Variants in AZI2 observed in about 807,000 individuals in gnomAD.
The protein encoded by AZI2 is 5-azacytidine-induced protein 2.
AZI2 carries 22 observed loss-of-function variants against 45.8 expected under a neutral mutation model. That is an observed-to-expected ratio of 0.48 (90% confidence interval 0.34 to 0.69). The LOEUF is 0.69. AZI2 is among the 30% of genes least tolerant of loss of function. The pLI, the probability that AZI2 is intolerant of heterozygous loss-of-function variation, is 0.01. For synonymous variants in AZI2, 137 were observed against 156.7 expected (o/e 0.87, Z 0.94); for missense variants, 417 against 441.5 (o/e 0.94, Z 0.50).
intron 1 of AZI2, among the ~76,000 whole-genome samples, chr3:28,347,777 G>A (rs913340922): frequency 6.6e-6 from 1 of 152,192 alleles, no homozygotes; most frequent in Admixed American, 6.5e-5. Flanking sequence ...TCAATTTACA[G>A]ATGATGAAAT....
At chr3:28,331,991 G>A (rs1225281195) in intron 6 of AZI2, 2 of 1,324,816 alleles carry the variant, frequency 1.5e-6, no homozygotes, top group African/African-American at 2.9e-5. Context: ...TAAATTTCAT[G>A]CTATCCCAAA....
rs1703280227 is a variant in AZI2 at position 28,323,969 on chromosome 3, G to C, written c.*73C>G. Reference sequence around the variant, plus strand: ...TTTAATCAAAATCTCCTTTCAGTTTGTTAAATAATTTCTTGGGAGGACCAC... The same window carrying C: ...TTTAATCAAAATCTCCTTTCAGTTTCTTAAATAATTTCTTGGGAGGACCAC... On this transcript the variant is annotated 3_prime_UTR_variant, in exon 8 of 8. Coordinates refer to ENST00000479665, the MANE Select transcript of AZI2 (RefSeq NM_022461.5). The C allele has an allele frequency of 2.7e-6, 4 of 1,463,446 alleles. No homozygotes were observed. The highest frequency in any genetic ancestry group is 3.7e-6 in the Non-Finnish European group (4 of 1,083,088). 90.7% of individuals were successfully genotyped at this position (1,463,446 alleles called of 1,614,324 possible). A position where few individuals can be genotyped will look rare whatever the true frequency, so the allele number is the denominator to read the frequency against.
intron 1 of AZI2, among the ~76,000 whole-genome samples, chr3:28,345,540 G>A (rs890992812): frequency 6.6e-5 from 10 of 151,716 alleles, no homozygotes; most frequent in Non-Finnish European, 1.0e-4. Context: ...AAAAGATTGA[G>A]GTAAACACTA....
intron 6 of AZI2, chr3:28,331,875 C>T (rs1199271418): frequency 2.6e-6 from 4 of 1,547,482 alleles, no homozygotes; most frequent in Non-Finnish European, 8.7e-7. Context: ...TATTCTTATG[C>T]GAAGAGGGAA....
chr3:28,338,063 T>C (rs1339097582), intron 3 of AZI2, 27 bp from the exon 4 acceptor site: 3 of 1,330,348 alleles, frequency 2.3e-6, no homozygotes, highest in South Asian at 2.7e-5. Context: ...AATGCCAAAT[T>C]ACATTCAATA....
chr3:28,331,989 A>C (rs944293411), intron 6 of AZI2: 19 of 1,333,262 alleles, frequency 1.4e-5, no homozygotes, highest in Non-Finnish European at 2.0e-5. Context: ...AATAAATTTC[A>C]TGCTATCCCA....
At chr3:28,332,901 T>G (rs1703644859) in intron 5 of AZI2, among the ~76,000 whole-genome samples, 1 of 151,788 alleles carries the variant, frequency 6.6e-6, no homozygotes, top group Admixed American at 6.6e-5. Flanking sequence ...TCAGCATACA[T>G]TTCCTCCTTC....
At position 28,332,444 on chromosome 3, in the gene AZI2, A is replaced by G; in HGVS notation, c.589-17T>C. ...ATATGGATCCTGTCATTTGTTTAAA[A>G]AAAAGAAGTTTAAAAGTTGTAATTT... On this transcript the variant is annotated splice_polypyrimidine_tract_variant and intron_variant, in intron 5 of 7. Coordinates refer to ENST00000479665, the MANE Select transcript of AZI2 (RefSeq NM_022461.5). The G allele has an allele frequency of 6.2e-7, 1 of 1,600,952 alleles. No individual in the cohort carries two copies. The highest frequency in any genetic ancestry group is 8.5e-7 in the Non-Finnish European group (1 of 1,170,860).
chr3:28,332,018 G>T, intron 6 of AZI2: 2 of 975,108 alleles, frequency 2.1e-6, no homozygotes, highest in Non-Finnish European at 3.1e-6. Context: ...CAATGGCCAA[G>T]TAGGCTCTTA....
At chr3:28,345,095 T>C (rs1184209303) in intron 1 of AZI2, among the ~76,000 whole-genome samples, 1 of 152,248 alleles carries the variant, frequency 6.6e-6, no homozygotes, top group East Asian at 1.9e-4. Context: ...CTGCATTCTG[T>C]TAAAAAATAC....
intron 1 of AZI2, among the ~76,000 whole-genome samples, chr3:28,343,259 CAT>C (rs994974827): frequency 6.6e-6 from 1 of 152,008 alleles, no homozygotes; most frequent in African/African-American, 2.4e-5. Context: ...ACTGTACTCT[CAT>C]GTGAAGAGGA....
At chr3:28,341,957 T>C (rs1231433073) in intron 1 of AZI2, among the ~76,000 whole-genome samples, 3 of 152,176 alleles carry the variant, frequency 2.0e-5, no homozygotes, top group East Asian at 3.9e-4. Flanking sequence ...AGTTGAGATG[T>C]AAACATAGGC....
In AZI2 at chr3:28,323,950, C is replaced by G; in HGVS notation, c.*92G>C. The G allele has an allele frequency of 7.0e-7, 1 of 1,422,822 alleles. No individual in the cohort carries two copies. Among genetic ancestry groups the G allele is most frequent in the Non-Finnish European group, 9.5e-7 (1 of 1,050,466 alleles). 88.1% of individuals were successfully genotyped at this position (1,422,822 alleles called of 1,614,324 possible). On this transcript the variant is annotated 3_prime_UTR_variant, in exon 8 of 8. Coordinates refer to ENST00000479665, the MANE Select transcript of AZI2 (RefSeq NM_022461.5). ...CTGAAGACCTCTGCAAAATTTTAAT[C>G]AAAATCTCCTTTCAGTTTGTTAAAT...
chr3:28,336,973 G>A, intron 4 of AZI2, 88 bp from the exon 5 acceptor site: 1 of 1,338,766 alleles, frequency 7.5e-7, no homozygotes, highest in Non-Finnish European at 1.0e-6. Flanking sequence ...GTAAAATGTA[G>A]ATAATAGAAA....
At chr3:28,345,012 G>A (rs1559464844) in intron 1 of AZI2, among the ~76,000 whole-genome samples, 1 of 152,062 alleles carries the variant, frequency 6.6e-6, no homozygotes, top group Admixed American at 6.5e-5. Context: ...GCTTTTCCAA[G>A]GGCATTCTAA....
intron 1 of AZI2, among the ~76,000 whole-genome samples, chr3:28,344,752 A>C (rs1704159691): frequency 6.6e-6 from 1 of 152,132 alleles, no homozygotes; most frequent in Admixed American, 6.5e-5. Context: ...ATCATAATTT[A>C]AATGCTCTTA....
intron 1 of AZI2, among the ~76,000 whole-genome samples, chr3:28,342,733 A>G (rs1704073109): frequency 6.6e-6 from 1 of 151,678 alleles, no homozygotes; most frequent in African/African-American, 2.4e-5. Flanking sequence ...ACACACACAC[A>G]CACACACACA....
chr3:28,329,687 C>T (rs1322815554), intron 6 of AZI2, among the ~76,000 whole-genome samples: 1 of 151,196 alleles, frequency 6.6e-6, no homozygotes, highest in Non-Finnish European at 1.5e-5. Flanking sequence ...CTATTACATC[C>T]TCCATCATCA....
At position 28,339,590 on chromosome 3, in the gene AZI2, A is replaced by G. The variant is rs182329610; in HGVS notation, c.216+812T>C. ...TCCTTTTCTCTTACTTCCCACCAAA[A>G]ATGAATCAAACTCTACCAAGCCCCA... On this transcript the variant is annotated intron_variant, in intron 2 of 7. Coordinates refer to ENST00000479665, the MANE Select transcript of AZI2 (RefSeq NM_022461.5). 3.2e-3 allele frequency among the ~76,000 whole-genome samples: 481 copies of G among 152,276 alleles called. 5 individuals are homozygous for G. Among genetic ancestry groups the G allele is most frequent in the African/African-American group, 0.011 (449 of 41,570 alleles).
Sources: gnomAD v4.1 joint callset for allele counts (sites outside exome capture counted in the v4.1 genomes callset) on GRCh38, gnomAD v4.1.1 for gene constraint, MANE v1.5 for transcripts, NCBI Gene and HGNC (gene_info 2026-07-23, HGNC 2026-07-21) for gene names.